The following TRIM9 variants were observed in gnomAD, a reference collection of about 807,000 sequenced individuals.
TRIM9 encodes the protein tripartite motif containing 9.
In TRIM9, 26 loss-of-function variants were observed where a neutral mutation model predicts 78.3. The ratio of observed to expected loss-of-function variants is 0.33; its 90% CI spans 0.24 to 0.46. TRIM9 has a LOEUF of 0.46. Ranked by LOEUF, TRIM9 falls within the 20% of genes least tolerant of loss-of-function variation. TRIM9 has a pLI of 1.00. For synonymous variants in TRIM9, 398 were observed against 416.5 expected, an observed-to-expected ratio of 0.96 and a Z score of 0.54; for missense variants, 787 against 1,036.4, an observed-to-expected ratio of 0.76 and a Z score of 3.30.
intron 1 of TRIM9, chr14:51,089,347 C>T (rs1217453168): frequency 6.6e-6 from 1 of 152,220 alleles, no homozygotes. Context: ...TGTGTATATA[C>T]ACTTTGAAAA....
intron 1 of TRIM9, among the ~76,000 whole-genome samples, chr14:51,069,886 G>A (rs534188982): frequency 6.6e-6 from 1 of 152,240 alleles, no homozygotes; most frequent in Admixed American, 6.5e-5. Context: ...TGTGTATTCT[G>A]TATTTGCAAA....
At chr14:50,993,853 A>T (rs1213420834) in intron 7 of TRIM9, among the ~76,000 whole-genome samples, 1 of 152,180 alleles carries the variant, frequency 6.6e-6, no homozygotes, top group Non-Finnish European at 1.5e-5. Flanking sequence ...GATCTGACAT[A>T]TTATTATACT....
Position 50,981,930 on chromosome 14 carries a change from C to G in TRIM9, c.2032G>C (p.Asp678His). The change falls in exon 11 of 13, where the codon GAT (aspartate) becomes CAT (histidine). Residue 678 changes from aspartate (D) to histidine (H), a missense_variant. Asp to His is a moderately conservative substitution (Grantham distance 81, BLOSUM62 -1). Around this residue, in one of 3 missense-constraint regions of TRIM9, gnomAD observed 421 missense variants for 514.3 expected, o/e 0.82. Transcript: ENST00000684578. The part of the protein sequence containing the change: ...LTVDRYDNHP[D>H]PAFGVARMDV... The stretch of plus-strand genomic sequence containing the variant: ...ATGCGAGCCACACCAAAGGCAGGAT[C>G]AGGGTGGTTGTCATAGCGATCTACC... The G allele has an allele frequency of 6.2e-7, 1 of 1,614,166 alleles. No homozygotes were observed. The highest frequency in any genetic ancestry group is 8.5e-7 in the Non-Finnish European group (1 of 1,180,036).
chr14:51,078,979 A>G (rs1354890202), intron 1 of TRIM9, among the ~76,000 whole-genome samples: 1 of 152,216 alleles, frequency 6.6e-6, no homozygotes, highest in Non-Finnish European at 1.5e-5. Flanking sequence ...TTCTATCTGT[A>G]TCCCATAACA....
chr14:51,022,682 G>A (rs1179144000), intron 3 of TRIM9, among the ~76,000 whole-genome samples, 153 bp downstream of exon 3: 1 of 152,166 alleles, frequency 6.6e-6, no homozygotes, highest in Non-Finnish European at 1.5e-5. Flanking sequence ...ATGAAGGGAG[G>A]TGTCTGTTCC....
chr14:51,092,054 A>G (rs1327866290), intron 1 of TRIM9, among the ~76,000 whole-genome samples: 1 of 152,178 alleles, frequency 6.6e-6, no homozygotes, highest in African/African-American at 2.4e-5. Flanking sequence ...CTTTTTCCTG[A>G]CAGAGTGATT....
intron 10 of TRIM9, 28 bp from the exon 11 acceptor site, chr14:50,982,131 A>G: frequency 6.2e-7 from 1 of 1,609,164 alleles, no homozygotes; most frequent in Non-Finnish European, 8.5e-7. Context: ...GAATCAGGTT[A>G]TTAAGACAGA....
At chr14:51,059,099 A>G (rs1483368198) in intron 1 of TRIM9, among the ~76,000 whole-genome samples, 1 of 152,198 alleles carries the variant, frequency 6.6e-6, no homozygotes, top group African/African-American at 2.4e-5. Context: ...TATCAGCACG[A>G]GCTTCCCTGC....
chr14:51,080,527 T>G (rs970481262), intron 1 of TRIM9, among the ~76,000 whole-genome samples: 1 of 150,868 alleles, frequency 6.6e-6, no homozygotes, highest in African/African-American at 2.5e-5. Flanking sequence ...GAATTCTTAA[T>G]GTAAATAATA....
At chr14:51,039,026 T>A (rs1369011239) in intron 1 of TRIM9, among the ~76,000 whole-genome samples, 1 of 152,292 alleles carries the variant, frequency 6.6e-6, no homozygotes, top group African/African-American at 2.4e-5. Context: ...AGGCACGGGG[T>A]CATTAGAAAT....
At chr14:51,087,949 T>C (rs568847070) in intron 1 of TRIM9, among the ~76,000 whole-genome samples, 16 of 152,334 alleles carry the variant, frequency 1.1e-4, no homozygotes, top group Non-Finnish European at 2.2e-4. Flanking sequence ...TACATTAATA[T>C]TCCTCATGCC....
chr14:51,054,103 AG>A (rs1194683791), intron 1 of TRIM9, among the ~76,000 whole-genome samples: 1 of 152,218 alleles, frequency 6.6e-6, no homozygotes, highest in Non-Finnish European at 1.5e-5. Flanking sequence ...ATCATTAAAA[AG>A]TTAAAAAAAA....
chr14:51,081,529 C>G (rs1455695455), intron 1 of TRIM9, among the ~76,000 whole-genome samples: 1 of 152,156 alleles, frequency 6.6e-6, no homozygotes, highest in Non-Finnish European at 1.5e-5. Context: ...TACCGACATC[C>G]CTAGGCGTCC....
rs1048300932 is a variant in TRIM9 at position 50,982,180 on chromosome 14, T to A, written c.1859-77A>T. ...GCACCATAACATACTCCTGGGCGGG[T>A]GAGGAGCGTTGTGTAGCGTTTTCAT... On this transcript the variant is annotated intron_variant, in intron 10 of 12. Coordinates refer to ENST00000684578, the MANE Select transcript of TRIM9 (RefSeq NM_001387360.1). 3.3e-5 allele frequency: 51 copies of A among 1,530,176 alleles called. No homozygotes were observed. The African/African-American group carries it at 6.7e-4, about 20-fold the overall frequency. The allele number at this position is 1,530,176 out of a possible 1,614,324, so 94.8% of individuals were successfully genotyped here.
chr14:51,082,122 T>C (rs1303547364), intron 1 of TRIM9, among the ~76,000 whole-genome samples: 6 of 152,122 alleles, frequency 3.9e-5, no homozygotes, highest in Non-Finnish European at 8.8e-5. Flanking sequence ...CCAGCTCCCA[T>C]CCTGAGGGGA....
chr14:51,027,140 T>A (rs1267824596), intron 1 of TRIM9, among the ~76,000 whole-genome samples: 5 of 46,452 alleles, frequency 1.1e-4, no homozygotes, highest in African/African-American at 7.7e-4. Context: ...AACTTTTTTT[T>A]TTTTTTTTTT....
intron 7 of TRIM9, among the ~76,000 whole-genome samples, chr14:50,995,368 G>C (rs1234325799): frequency 6.6e-6 from 1 of 152,030 alleles, no homozygotes; most frequent in Non-Finnish European, 1.5e-5. Flanking sequence ...CAGGACAGTA[G>C]GGATAACGTC....
intron 1 of TRIM9, among the ~76,000 whole-genome samples, chr14:51,049,697 G>A (rs561130393): frequency 5.3e-5 from 8 of 151,698 alleles, no homozygotes; most frequent in Non-Finnish European, 7.4e-5. Context: ...GTGGTGGTGG[G>A]TGCCTGTAAT....
intron 1 of TRIM9, among the ~76,000 whole-genome samples, chr14:51,046,522 T>C (rs1007532129): frequency 2.6e-5 from 4 of 152,210 alleles, no homozygotes; most frequent in Admixed American, 1.3e-4. Context: ...TCTACAGTCA[T>C]CTGAATTCGA....
Sources: gnomAD v4.1 joint callset for allele counts (sites outside exome capture counted in the v4.1 genomes callset) on GRCh38, gnomAD v4.1.1 for gene constraint, gnomAD v4.1.1 regional missense constraint, MANE v1.5 for transcripts, NCBI Gene and HGNC (gene_info 2026-07-23, HGNC 2026-07-21) for gene names.